Variants in DENND4C observed in about 807,000 individuals in gnomAD.
DENND4C encodes DENN domain-containing protein 4C.
In DENND4C, 108 loss-of-function variants were observed where a neutral mutation model predicts 203.0. That is an observed-to-expected ratio of 0.53 (90% CI 0.46 to 0.62). The LOEUF (loss-of-function observed/expected upper bound fraction) is 0.62, where lower values mean the gene tolerates loss of function less well. Ranked by LOEUF, DENND4C falls within the 20% of genes least tolerant of loss-of-function variation. The pLI is 0.00. For missense variants in DENND4C, 2,481 were observed against 2,301.2 expected (o/e 1.08, Z -1.60); for synonymous variants, 871 against 792.4 (o/e 1.10, Z -1.67).
At chr9:19,355,983 A>G (rs933685205) in intron 26 of DENND4C, among the ~76,000 whole-genome samples, 4 of 152,110 alleles carry the variant, frequency 2.6e-5, no homozygotes, top group Admixed American at 6.6e-5. Context: ...TATCGTGACA[A>G]GCATTTTATT....
intron 2 of DENND4C, among the ~76,000 whole-genome samples, chr9:19,278,575 G>A (rs1372352896): frequency 2.6e-5 from 4 of 152,146 alleles, no homozygotes; most frequent in Non-Finnish European, 4.4e-5. Flanking sequence ...CGGAATCCAC[G>A]AAGGAGTGTG....
chr9:19,368,389 A>G (rs1248702462), intron 30 of DENND4C, among the ~76,000 whole-genome samples: 3 of 152,140 alleles, frequency 2.0e-5, no homozygotes, highest in Admixed American at 1.3e-4. Context: ...TCAGCCTCCC[A>G]ACGTGCTGGG....
intron 1 of DENND4C, among the ~76,000 whole-genome samples, chr9:19,251,274 A>G (rs950673510): frequency 6.6e-6 from 1 of 152,206 alleles, no homozygotes; most frequent in Non-Finnish European, 1.5e-5. Flanking sequence ...CCATGGCCTG[A>G]GCTGTACCTT....
rs755465616 is a variant in DENND4C at position 19,290,851 on chromosome 9, T to C, written c.776T>C (p.Val259Ala). ...CCACTTCCAGTTTTTTCAACTTTTG[T>C]CTTGACAGGTTCTTCAGCCAAAAAG... Reference protein sequence around the residue: ...KYPLPVFSTFVLTGSSAKKVY... With the variant: ...KYPLPVFSTFALTGSSAKKVY... The change falls in exon 5 of 33, where the codon GTC (valine) becomes GCC (alanine). Residue 259 changes from valine (V) to alanine (A), a missense_variant. By Grantham distance (64) the Val-to-Ala change is moderately conservative. This residue lies in a region of DENND4C where 2,289 missense variants were observed against 2,113.3 expected (regional missense o/e 1.08). Transcript: ENST00000434457. 1.2e-6 allele frequency: 2 copies of C among 1,613,544 alleles called. No homozygotes were observed. Among genetic ancestry groups the C allele is most frequent in the African/African-American group, 1.3e-5 (1 of 74,924 alleles).
intron 1 of DENND4C, among the ~76,000 whole-genome samples, chr9:19,248,978 A>T (rs904202250): frequency 2.6e-5 from 4 of 151,746 alleles, no homozygotes; most frequent in African/African-American, 7.3e-5. Context: ...TTTAGTAGAG[A>T]TGGGGTTTCA....
intron 1 of DENND4C, among the ~76,000 whole-genome samples, chr9:19,247,375 T>G (rs575116586): frequency 3.1e-4 from 47 of 152,340 alleles, no homozygotes; most frequent in African/African-American, 1.0e-3. Context: ...GACATCTTCA[T>G]TGAACTCCAC....
chr9:19,237,888 T>G (rs1382639839), intron 1 of DENND4C, among the ~76,000 whole-genome samples: 2 of 152,110 alleles, frequency 1.3e-5, no homozygotes, highest in Non-Finnish European at 2.9e-5. Flanking sequence ...ATCCAAAATA[T>G]TATTCAATAT....
In DENND4C at chr9:19,336,809, C is replaced by A. The variant is rs774784090; in HGVS notation, c.2858C>A (p.Ser953Tyr). ...GTCAGAGATTTAATCAGGCTTGAGT[C>A]CATTGATAATCACTCTAGCACAGGT... The part of the protein sequence containing the change: ...VFVRDLIRLE[S>Y]IDNHSSTGGQ... Residue 953 changes from serine to tyrosine, a missense_variant, in exon 20 of 33, where the codon TCC becomes TAC. Physicochemically the swap from Ser to Tyr is moderately radical, Grantham distance 144. Around this residue, in one of 3 missense-constraint regions of DENND4C, gnomAD observed 2,289 missense variants for 2,113.3 expected, o/e 1.08. Coordinates refer to ENST00000434457, the MANE Select transcript of DENND4C (RefSeq NM_001330640.2). The A allele has an allele frequency of 1.3e-6, 2 of 1,550,596 alleles. No individual in the cohort carries two copies. The highest frequency in any genetic ancestry group is 2.4e-5 in the South Asian group (2 of 84,060).
intron 1 of DENND4C, among the ~76,000 whole-genome samples, chr9:19,274,796 C>T (rs1832531469): frequency 6.6e-6 from 1 of 152,172 alleles, no homozygotes; most frequent in South Asian, 2.1e-4. Flanking sequence ...ATATTTATTA[C>T]TGTTACCTTA....
intron 1 of DENND4C, among the ~76,000 whole-genome samples, chr9:19,272,585 G>T (rs957888338): frequency 1.3e-4 from 20 of 151,782 alleles, no homozygotes; most frequent in African/African-American, 4.8e-4. Context: ...CAGGGTCCTT[G>T]AAAAATGGGA....
At chr9:19,319,243 A>G (rs189476852) in intron 12 of DENND4C, among the ~76,000 whole-genome samples, 2 of 147,132 alleles carry the variant, frequency 1.4e-5, no homozygotes, top group East Asian at 3.9e-4. Flanking sequence ...ATATATGTAT[A>G]TATATAAACA....
intron 1 of DENND4C, among the ~76,000 whole-genome samples, chr9:19,249,448 G>T (rs935762040): frequency 6.6e-6 from 1 of 151,760 alleles, no homozygotes; most frequent in African/African-American, 2.4e-5. Context: ...TAGAGACAGG[G>T]TTTCACCATG....
chr9:19,371,912 T>A (rs1428218287), intron 32 of DENND4C, 92 bp downstream of exon 32: 1 of 1,323,956 alleles, frequency 7.6e-7, no homozygotes, highest in East Asian at 2.3e-5. Context: ...TATAAAAGAT[T>A]TAAAAGATTT....
At chr9:19,301,580 T>G (rs1456838697) in intron 9 of DENND4C, among the ~76,000 whole-genome samples, 1 of 152,172 alleles carries the variant, frequency 6.6e-6, no homozygotes, top group East Asian at 1.9e-4. Context: ...ATCACAGTTG[T>G]GTGTGAAAGC....
intron 2 of DENND4C, among the ~76,000 whole-genome samples, chr9:19,281,979 G>C (rs1834138685): frequency 1.3e-5 from 2 of 152,206 alleles, no homozygotes; most frequent in Admixed American, 1.3e-4. Flanking sequence ...AGGACTGGAA[G>C]TTGCTCTAGG....
chr9:19,277,117 A>G (rs1833035686), intron 2 of DENND4C, among the ~76,000 whole-genome samples: 1 of 152,038 alleles, frequency 6.6e-6, no homozygotes, highest in Non-Finnish European at 1.5e-5. Context: ...TACCATATAT[A>G]CATGTGATGT....
chr9:19,363,513 TAAAA>T (rs1259497753), intron 30 of DENND4C, among the ~76,000 whole-genome samples: 1 of 151,070 alleles, frequency 6.6e-6, no homozygotes, highest in Non-Finnish European at 1.5e-5. Context: ...AAAAAAAAAT[TAAAA>T]AAACATTAGT....
At chr9:19,340,252 T>C (rs944793818) in intron 20 of DENND4C, among the ~76,000 whole-genome samples, 2 of 152,196 alleles carry the variant, frequency 1.3e-5, no homozygotes, top group Admixed American at 1.3e-4. Context: ...TTCAGAATTG[T>C]CACACCCATT....
intron 31 of DENND4C, among the ~76,000 whole-genome samples, chr9:19,370,576 A>T (rs1184222483): frequency 6.6e-6 from 1 of 152,254 alleles, no homozygotes; most frequent in Admixed American, 6.5e-5. Context: ...ATTTATTAAC[A>T]TTGATAAACT....
Sources: gnomAD v4.1 joint callset for allele counts (sites outside exome capture counted in the v4.1 genomes callset) on GRCh38, gnomAD v4.1.1 for gene constraint, gnomAD v4.1.1 regional missense constraint, MANE v1.5 for transcripts, NCBI Gene and HGNC (gene_info 2026-07-23, HGNC 2026-07-21) for gene names.